DDIAS: variants seen among roughly 807,000 people sequenced by gnomAD.
DDIAS encodes the protein DNA damage induced apoptosis suppressor, also known as DNA damage-induced apoptosis suppressor protein.
In DDIAS, 14 loss-of-function variants were observed where a neutral mutation model predicts 15.7. The observed-to-expected ratio is 0.89, with a 90% CI of 0.59 to 1.39. DDIAS has a LOEUF of 1.39. DDIAS is among the 40% of genes most tolerant of loss of function. The probability of loss-of-function intolerance (pLI) is 0.00; values close to 1 mark genes in which losing one functional copy is unlikely to be tolerated. For synonymous variants in DDIAS, 355 were observed against 395.9 expected (o/e 0.90, Z 1.23); for missense variants, 1,035 against 1,130.9 (o/e 0.92, Z 1.22).
intron 3 of DDIAS, among the ~76,000 whole-genome samples, chr11:82,926,750 A>G (rs1191562636): frequency 6.6e-6 from 1 of 152,214 alleles, no homozygotes; most frequent in East Asian, 1.9e-4. Context: ...AATGTTTGAG[A>G]AGCTCTAATC....
rs1861069814 is a variant in DDIAS at position 82,934,195 on chromosome 11, G to C, written c.2857G>C (p.Val953Leu). The change falls in exon 6 of 6, where the codon GTC becomes CTC. Residue 953 changes from valine to leucine, a missense_variant. Physicochemically the swap from Val to Leu is conservative, Grantham distance 32 (BLOSUM62 1). Transcript: ENST00000533655. ...GATTTCCAAATGTCCAGACATTCAA[G>C]TCTTAGCAGCACCTCAGCTGCACCC... is the stretch of plus-strand genomic sequence containing the variant. ...GWISKCPDIQ[V>L]LAAPQLHPIL... The C allele has an allele frequency of 6.2e-7, 1 of 1,613,994 alleles. No individual in the cohort carries two copies. Among genetic ancestry groups the C allele is most frequent in the Non-Finnish European group, 8.5e-7 (1 of 1,180,030 alleles).
At position 82,932,742 on chromosome 11, in the gene DDIAS, T is replaced by A. The variant is rs763731673; in HGVS notation, c.1404T>A (p.Thr468=). The change falls in exon 6 of 6, where the codon ACT becomes ACA. Residue 468 remains threonine (T), a synonymous_variant. Transcript: ENST00000533655. The stretch of plus-strand genomic sequence containing the variant: ...GGTTATCTGTGACTCCCCAGAGAAC[T>A]ACTGGAGCCCTGCATACACCACCTA... ...HSRLSVTPQR[T]TGALHTPPIA... The A allele has an allele frequency of 6.2e-7, 1 of 1,613,984 alleles. No individual in the cohort carries two copies. Among genetic ancestry groups the A allele is most frequent in the Admixed American group, 1.7e-5 (1 of 60,010 alleles).
chr11:82,906,347 T>G (rs760295326), intron 1 of DDIAS, among the ~76,000 whole-genome samples: 12 of 152,270 alleles, frequency 7.9e-5, no homozygotes, highest in Non-Finnish European at 1.5e-4. Context: ...TTTTTAGACT[T>G]ACTTATTTGA....
intron 3 of DDIAS, among the ~76,000 whole-genome samples, chr11:82,916,168 A>T (rs989400646): frequency 2.0e-5 from 3 of 152,134 alleles, no homozygotes; most frequent in Non-Finnish European, 4.4e-5. Flanking sequence ...GAGTCTAATT[A>T]CTCATTTGTA....
chr11:82,922,458 G>A (rs1432633860), intron 3 of DDIAS, among the ~76,000 whole-genome samples: 2 of 152,124 alleles, frequency 1.3e-5, no homozygotes, highest in African/African-American at 4.8e-5. Context: ...TGAAGACCTT[G>A]TCTTCAAGCT....
In DDIAS at chr11:82,932,269, T is replaced by C. The variant is rs780663170; in HGVS notation, c.931T>C (p.Leu311=). The change falls in exon 6 of 6, where the codon TTG becomes CTG. Residue 311 remains leucine, a synonymous_variant. Transcript: ENST00000533655. ...GGATAAAAAGAGTACAGCAGAAAAG[T>C]TGGGTAAAGAACTTGGCTTACAAGC... ...YMDKKSTAEK[L]GKELGLQAKE... The C allele has an allele frequency of 6.2e-6, 10 of 1,613,556 alleles. No homozygotes were observed. Among genetic ancestry groups the C allele is most frequent in the South Asian group, 1.1e-5 (1 of 91,038 alleles).
rs1278882528 is a variant in DDIAS, at chr11:82,928,859, TCAAA to T, written c.201_204del (p.Lys68CysfsTer11). On this transcript the variant is annotated frameshift_variant, in exon 4 of 6. Coordinates refer to ENST00000533655, the MANE Select transcript of DDIAS (RefSeq NM_145018.4). LOFTEE classifies it high-confidence loss of function. ...CAAACTTTCCTTAAAAGTTGCAGAATCAAACAAATTGTTTGTTATTACTGTATTT... is the reference window on the plus strand; with the variant it reads ...CAAACTTTCCTTAAAAGTTGCAGAATCAAATTGTTTGTTATTACTGTATTT... The T allele has an allele frequency of 7.4e-6, 12 of 1,612,086 alleles. No homozygotes were observed. Among genetic ancestry groups the T allele is most frequent in the African/African-American group, 4.0e-5 (3 of 74,846 alleles).
At chr11:82,911,950 T>C (rs529103878) in intron 1 of DDIAS, among the ~76,000 whole-genome samples, 2 of 152,308 alleles carry the variant, frequency 1.3e-5, no homozygotes, top group South Asian at 4.1e-4. Flanking sequence ...TCAATGAGCA[T>C]TAATATGTTG....
At chr11:82,919,603 T>C (rs1373411963) in intron 3 of DDIAS, among the ~76,000 whole-genome samples, 1 of 152,252 alleles carries the variant, frequency 6.6e-6, no homozygotes, top group Non-Finnish European at 1.5e-5. Flanking sequence ...TAGGGTGATG[T>C]CGCCTTCATA....
In DDIAS at chr11:82,934,005, T is replaced by A. The variant is rs771879306; in HGVS notation, c.2667T>A (p.Leu889=). 1.4e-5 allele frequency: 23 copies of A among 1,613,676 alleles called. No individual in the cohort carries two copies. The highest frequency in any genetic ancestry group is 1.9e-5 in the Non-Finnish European group (22 of 1,179,970). ...AAGGCATAGGTCTAGGGAAATGCCT[T>A]GCTGCCTATCATTTCCCTGATCAAC... ...GFQGIGLGKC[L]AAYHFPDQQE... Residue 889 remains leucine, a synonymous_variant, in exon 6 of 6, where the codon CTT becomes CTA. Transcript: ENST00000533655.
chr11:82,906,517 A>AT (rs1387005585), intron 1 of DDIAS, among the ~76,000 whole-genome samples: 1 of 151,886 alleles, frequency 6.6e-6, no homozygotes, highest in Non-Finnish European at 1.5e-5. Context: ...CCAATTAGCA[A>AT]TTTTTTTTAG....
intron 4 of DDIAS, 114 bp downstream of exon 4, chr11:82,929,052 A>G (rs1182666905): frequency 3.3e-6 from 4 of 1,201,024 alleles, no homozygotes; most frequent in Non-Finnish European, 3.5e-6. Context: ...CAGATTGTCA[A>G]TTCCTTTAAA....
intron 1 of DDIAS, among the ~76,000 whole-genome samples, chr11:82,903,573 T>C (rs1343960579): frequency 6.6e-6 from 1 of 152,240 alleles, no homozygotes; most frequent in East Asian, 1.9e-4. Context: ...TTTTGTCTCT[T>C]TGTTTTTTTG....
At chr11:82,931,687 G>A (rs192652939) in intron 5 of DDIAS, 45 bp from the exon 6 acceptor site, 1 of 1,502,222 alleles carries the variant, frequency 6.7e-7, no homozygotes, top group Non-Finnish European at 9.0e-7. Flanking sequence ...TAAGTAAATG[G>A]AAGACAATTT....
Position 82,901,764 on chromosome 11 carries a change from G to C in DDIAS, c.-175G>C, listed in dbSNP as rs917595446. 55 of 152,226 alleles carry C rather than the reference G, an allele frequency of 3.6e-4. No individual in the cohort carries two copies. Among genetic ancestry groups the C allele is most frequent in the African/African-American group, 1.2e-3 (48 of 41,444 alleles). The allele number at this position is 152,226 out of a possible 1,614,324, so 9.4% of individuals were successfully genotyped here. On this transcript the variant is annotated 5_prime_UTR_variant, in exon 1 of 6. Transcript: ENST00000533655. ...TGGAAGGCTGCCGGCGTGCTACTGA[G>C]TTCGGCCGGTCCGAGTCACTGTGCG...
chr11:82,922,125 T>G (rs919938237), intron 3 of DDIAS, among the ~76,000 whole-genome samples: 1 of 152,180 alleles, frequency 6.6e-6, no homozygotes, highest in Non-Finnish European at 1.5e-5. Flanking sequence ...GGTGCTTCTG[T>G]CTCACAACTC....
At chr11:82,917,812 G>GT (rs1249443105) in intron 3 of DDIAS, among the ~76,000 whole-genome samples, 10 of 152,210 alleles carry the variant, frequency 6.6e-5, no homozygotes, top group Admixed American at 2.6e-4. Context: ...ACATCTACTG[G>GT]TTTTTGATTT....
chr11:82,932,734 C>A lies in DDIAS; in HGVS notation c.1396C>A (p.Gln466Lys). ...ADHSRLSVTPQRTTGALHTPP... is the reference protein window; with the variant it reads ...ADHSRLSVTPKRTTGALHTPP... ...CCACAGCAGGTTATCTGTGACTCCCCAGAGAACTACTGGAGCCCTGCATAC... is the reference window on the plus strand; with the variant it reads ...CCACAGCAGGTTATCTGTGACTCCCAAGAGAACTACTGGAGCCCTGCATAC... The change falls in exon 6 of 6, where the codon CAG (glutamine) becomes AAG (lysine). Residue 466 changes from glutamine to lysine, a missense_variant. Coordinates refer to ENST00000533655, the MANE Select transcript of DDIAS (RefSeq NM_145018.4). The A allele has an allele frequency of 6.2e-7, 1 of 1,614,026 alleles. No homozygotes were observed. Among genetic ancestry groups the A allele is most frequent in the East Asian group, 2.2e-5 (1 of 44,884 alleles).
chr11:82,911,592 A>C (rs1432363811), intron 1 of DDIAS, among the ~76,000 whole-genome samples: 1 of 152,210 alleles, frequency 6.6e-6, no homozygotes, highest in Non-Finnish European at 1.5e-5. Context: ...TCCTCCACTG[A>C]AGGCTTGAAC....
Sources: allele counts gnomAD v4.1 joint callset (sites outside exome capture counted in the v4.1 genomes callset), GRCh38; gene constraint gnomAD v4.1.1; transcripts MANE v1.5; gene names NCBI Gene and HGNC (gene_info 2026-07-23, HGNC 2026-07-21).